Variants in KIF15 observed in about 807,000 individuals in gnomAD.
KIF15 encodes the protein kinesin family member 15.
A neutral mutation model predicts 190.6 loss-of-function variants in KIF15; 140 were observed. The ratio of observed to expected loss-of-function variants is 0.73; its 90% CI spans 0.64 to 0.84. KIF15 has a LOEUF of 0.84. Among genes scored for constraint, KIF15 ranks in the 40% least tolerant of loss-of-function variants. The pLI is 0.00. For synonymous variants in KIF15, 528 were observed against 551.3 expected, an observed-to-expected ratio of 0.96 and a Z score of 0.59; for missense variants, 1,372 against 1,584.4, an observed-to-expected ratio of 0.87 and a Z score of 2.28.
At chr3:44,799,507 T>G (rs1207650238) in intron 10 of KIF15, among the ~76,000 whole-genome samples, 3 of 152,076 alleles carry the variant, frequency 2.0e-5, no homozygotes, top group African/African-American at 7.2e-5. Flanking sequence ...GCACTCGTTA[T>G]CACCCTTTAG....
At chr3:44,802,716 C>T in intron 13 of KIF15, 98 bp from the exon 14 acceptor site, 2 of 1,189,498 alleles carry the variant, frequency 1.7e-6, no homozygotes, top group East Asian at 2.4e-5. Context: ...ACCAGTAGTG[C>T]ATGTGCATAC....
rs577333858 is a variant in KIF15 at position 44,762,424 on chromosome 3, C to T, written c.19+540C>T. On this transcript the variant is annotated intron_variant, in intron 1 of 34. Transcript: ENST00000326047. ...TCTCTATTTTCACTTAAAGGAGACCCGTCCGATTTCTTTCTCTTTTTCACG... is the reference window on the plus strand; with the variant it reads ...TCTCTATTTTCACTTAAAGGAGACCTGTCCGATTTCTTTCTCTTTTTCACG... 2.0e-5 allele frequency among the ~76,000 whole-genome samples: 3 copies of T among 152,278 alleles called. No homozygotes were observed. The South Asian group carries it at 6.2e-4, about 32-fold the overall frequency.
chr3:44,763,296 A>C (rs1332226272), intron 1 of KIF15, among the ~76,000 whole-genome samples: 3 of 152,142 alleles, frequency 2.0e-5, no homozygotes, highest in Admixed American at 1.3e-4. Context: ...CCCGAAGGCT[A>C]TCTCTCTCTC....
intron 7 of KIF15, among the ~76,000 whole-genome samples, chr3:44,790,695 C>CTTTTTTTT (rs56414094): frequency 4.1e-5 from 4 of 97,972 alleles, no homozygotes; most frequent in Admixed American, 1.2e-4. Flanking sequence ...TTTTCTGTTT[C>CTTTTTTTT]TTTTTTTTTT....
intron 32 of KIF15, among the ~76,000 whole-genome samples, chr3:44,850,777 C>T (rs1228652234): frequency 1.3e-5 from 2 of 152,072 alleles, no homozygotes; most frequent in Non-Finnish European, 2.9e-5. Flanking sequence ...ATTAGCTGGC[C>T]CTTTGTGTAT....
chr3:44,787,094 A>C (rs1706443001), intron 7 of KIF15, among the ~76,000 whole-genome samples: 1 of 152,216 alleles, frequency 6.6e-6, no homozygotes, highest in African/African-American at 2.4e-5. Context: ...ATATTGCCAC[A>C]AGCATGTAAG....
rs138909928 is a variant in KIF15 at position 44,811,894 on chromosome 3, G to C, written c.2170-288G>C. Among the ~76,000 whole-genome samples, 355 of 152,258 alleles carry C rather than the reference G, an allele frequency of 2.3e-3. 3 individuals are homozygous for C. Among genetic ancestry groups the C allele is most frequent in the South Asian group, 0.016 (79 of 4,828 alleles). On this transcript the variant is annotated intron_variant, in intron 17 of 34. Coordinates refer to ENST00000326047, the MANE Select transcript of KIF15 (RefSeq NM_020242.3). ...GAAGCTTCTTAGAAGTCTCAAGATG[G>C]CTCTGTCATGTAATCCAGGATTTTA...
downstream of KIF15, among the ~76,000 whole-genome samples, chr3:44,856,224 A>G (rs1435777155): frequency 6.6e-6 from 1 of 152,186 alleles, no homozygotes; most frequent in African/African-American, 2.4e-5. Context: ...ACCAAGAGGT[A>G]TTTTAGTTTC....
intron 20 of KIF15, among the ~76,000 whole-genome samples, chr3:44,821,930 C>T (rs546989254): frequency 4.6e-5 from 7 of 152,326 alleles, no homozygotes; most frequent in South Asian, 2.1e-4. Flanking sequence ...GAGACCAGCC[C>T]GGCCAACACA....
rs1449508268 is a variant in KIF15, at chr3:44,810,876, C to T, written c.2002C>T (p.Leu668Phe). The T allele has an allele frequency of 6.2e-6, 10 of 1,613,732 alleles. No individual in the cohort carries two copies. Among genetic ancestry groups the T allele is most frequent in the Non-Finnish European group, 8.5e-6 (10 of 1,179,962 alleles). ...AACTACACCAACCAAGGCCTACCAA[C>T]TTCATTCCCGACCAGTACCAAAATT... Reference protein sequence around the residue: ...IITTPTKAYQLHSRPVPKLSP... With the variant: ...IITTPTKAYQFHSRPVPKLSP... The change falls in exon 17 of 35, where the codon CTT becomes TTT. Residue 668 changes from leucine to phenylalanine, a missense_variant. By Grantham distance (22) the Leu-to-Phe change is conservative. Transcript: ENST00000326047.
Position 44,812,295 on chromosome 3 carries a change from A to AC in KIF15, c.2277+8dup. ...ATTCTACCCAAATGCAGGAGGTGAG[A>AC]CCAAGAGCACAGCCTCAGAAAATGT... On this transcript the variant is annotated splice_region_variant and intron_variant, in intron 18 of 34. Coordinates refer to ENST00000326047, the MANE Select transcript of KIF15 (RefSeq NM_020242.3). The AC allele has an allele frequency of 1.3e-6, 2 of 1,596,220 alleles. No individual in the cohort carries two copies. Among genetic ancestry groups the AC allele is most frequent in the Non-Finnish European group, 1.7e-6 (2 of 1,164,360 alleles).
chr3:44,761,994 G>A, intron 1 of KIF15, 110 bp downstream of exon 1: 3 of 1,375,884 alleles, frequency 2.2e-6, no homozygotes, highest in East Asian at 2.3e-5. Context: ...TGAACTGCAG[G>A]AGCTGAGTGA....
rs1192056772 is a variant in KIF15, at chr3:44,801,924, G to A, written c.1459G>A (p.Asp487Asn). The change falls in exon 13 of 35, where the codon GAT becomes AAT. Residue 487 changes from aspartate (D) to asparagine (N), a missense_variant. Coordinates refer to ENST00000326047, the MANE Select transcript of KIF15 (RefSeq NM_020242.3). ...SRGGFLPEEQ[D>N]RLLSELRNEI... Reference sequence around the variant, plus strand: ...GGGAGGTTTTCTGCCTGAGGAGCAGGATCGTTTGCTCTCAGAATTAAGGAA... The same window carrying A: ...GGGAGGTTTTCTGCCTGAGGAGCAGAATCGTTTGCTCTCAGAATTAAGGAA... 1 of 1,613,774 alleles carries A rather than the reference G, an allele frequency of 6.2e-7. No individual in the cohort carries two copies. The highest frequency in any genetic ancestry group is 8.5e-7 in the Non-Finnish European group (1 of 1,179,864).
At chr3:44,838,747 CAAA>C (rs779928383) in intron 27 of KIF15, among the ~76,000 whole-genome samples, 8 of 74,368 alleles carry the variant, frequency 1.1e-4, no homozygotes, top group Non-Finnish European at 1.7e-4. Flanking sequence ...GACCCTGTCT[CAAA>C]AAAAAAAAAA....
chr3:44,824,505 A>G (rs1697537368), intron 20 of KIF15, among the ~76,000 whole-genome samples: 1 of 152,192 alleles, frequency 6.6e-6, no homozygotes, highest in South Asian at 2.1e-4. Context: ...TAATTTATTG[A>G]TAACTTATCA....
At chr3:44,787,625 G>A (rs939151721) in intron 7 of KIF15, among the ~76,000 whole-genome samples, 7 of 152,246 alleles carry the variant, frequency 4.6e-5, no homozygotes, top group African/African-American at 1.4e-4. Context: ...TTACATTGCA[G>A]TTATAGACCA....
chr3:44,794,804 A>G (rs1706893676), intron 8 of KIF15, among the ~76,000 whole-genome samples: 1 of 152,124 alleles, frequency 6.6e-6, no homozygotes, highest in South Asian at 2.1e-4. Context: ...TACTAAAAAA[A>G]TACAAAAGTC....
At chr3:44,785,065 C>T (rs974098158) in intron 6 of KIF15, 123 bp downstream of exon 6, 15 of 519,688 alleles carry the variant, frequency 2.9e-5, no homozygotes, top group Non-Finnish European at 4.7e-5. Flanking sequence ...AATAGACTAG[C>T]GTGGCATAAA....
At chr3:44,767,949 G>A in intron 1 of KIF15, among the ~76,000 whole-genome samples, 1 of 146,716 alleles carries the variant, frequency 6.8e-6, no homozygotes, top group East Asian at 2.1e-4. Flanking sequence ...GTCCAGGAAG[G>A]TTTAAATTTG....
Sources: allele counts gnomAD v4.1 joint callset (sites outside exome capture counted in the v4.1 genomes callset), GRCh38; gene constraint gnomAD v4.1.1; transcripts MANE v1.5; gene names NCBI Gene and HGNC (gene_info 2026-07-23, HGNC 2026-07-21).